Variants in CCSER1 observed in about 807,000 individuals in gnomAD.
CCSER1 encodes coiled-coil serine rich protein 1.
CCSER1 carries 41 observed loss-of-function variants against 82.0 expected under a neutral mutation model. The ratio of observed to expected loss-of-function variants is 0.50; its 90% CI spans 0.39 to 0.65. CCSER1 has a LOEUF of 0.65. CCSER1 is among the 30% of genes least tolerant of loss of function. The pLI, the probability that CCSER1 is intolerant of heterozygous loss-of-function variation, is 0.00. For synonymous variants in CCSER1, 414 were observed against 383.9 expected, an observed-to-expected ratio of 1.08 and a Z score of -0.92; for missense variants, 1,119 against 1,064.2, an observed-to-expected ratio of 1.05 and a Z score of -0.72.
At chr4:91,587,925 G>C (rs1404130237) in intron 10 of CCSER1, among the ~76,000 whole-genome samples, 1 of 151,254 alleles carries the variant, frequency 6.6e-6, no homozygotes, top group African/African-American at 2.4e-5. Flanking sequence ...CTTGAATCTT[G>C]AATTAATATT....
intron 10 of CCSER1, among the ~76,000 whole-genome samples, chr4:91,567,025 T>G (rs1762922923): frequency 6.6e-6 from 1 of 152,136 alleles, no homozygotes; most frequent in Non-Finnish European, 1.5e-5. Context: ...CTGTGGACAT[T>G]TAGTGCTATG....
At chr4:91,488,619 C>A (rs1758345893) in intron 10 of CCSER1, among the ~76,000 whole-genome samples, 1 of 152,182 alleles carries the variant, frequency 6.6e-6, no homozygotes, top group Admixed American at 6.5e-5. Flanking sequence ...ACACCTTGCC[C>A]AGCTCTTTCT....
intron 9 of CCSER1, among the ~76,000 whole-genome samples, chr4:90,938,998 A>C (rs1731283900): frequency 6.6e-6 from 1 of 152,100 alleles, no homozygotes; most frequent in African/African-American, 2.4e-5. Context: ...TCTATATGTA[A>C]ATATTCTAAA....
intron 7 of CCSER1, among the ~76,000 whole-genome samples, chr4:90,763,657 C>T (rs1477851273): frequency 6.6e-6 from 1 of 152,078 alleles, no homozygotes; most frequent in Non-Finnish European, 1.5e-5. Flanking sequence ...CACAGTTCTG[C>T]CCATTTCATG....
intron 6 of CCSER1, among the ~76,000 whole-genome samples, chr4:90,700,067 C>A (rs7657884): frequency 6.6e-6 from 1 of 151,624 alleles, no homozygotes; most frequent in African/African-American, 2.4e-5. Context: ...ATACATGTGC[C>A]ATGTTGGTGT....
chr4:90,195,607 G>A lies in CCSER1; in HGVS notation c.-42+67776G>A, dbSNP rs560917943. 1.1e-4 allele frequency among the ~76,000 whole-genome samples: 16 copies of A among 152,160 alleles called. 1 individual carries two copies. The South Asian group carries it at 3.3e-3, about 32-fold the overall frequency. On this transcript the variant is annotated intron_variant, in intron 1 of 10. Coordinates refer to ENST00000509176, the MANE Select transcript of CCSER1 (RefSeq NM_001145065.2). ...AACTCTAATGAAATTTCAGACTCTG[G>A]GTGATAATGATGTGTAAATGTAGGC...
At chr4:91,317,991 G>C (rs897736656) in intron 10 of CCSER1, among the ~76,000 whole-genome samples, 1 of 151,970 alleles carries the variant, frequency 6.6e-6, no homozygotes, top group African/African-American at 2.4e-5. Context: ...CATTTCATAG[G>C]AGAAGGGTTG....
chr4:91,555,606 C>T (rs1234693985), intron 10 of CCSER1, among the ~76,000 whole-genome samples: 1 of 150,568 alleles, frequency 6.6e-6, no homozygotes, highest in East Asian at 1.9e-4. Flanking sequence ...AATACATACA[C>T]TAGATACAAA....
intron 3 of CCSER1, among the ~76,000 whole-genome samples, chr4:90,320,049 A>G (rs1736852249): frequency 6.6e-6 from 1 of 152,170 alleles, no homozygotes; most frequent in Admixed American, 6.5e-5. Context: ...TTTTCCTTTC[A>G]GTACCCTTCT....
At position 90,308,377 on chromosome 4, in the gene CCSER1, T is replaced by C; in HGVS notation, c.93T>C (p.Ser31=). 1.9e-6 allele frequency: 3 copies of C among 1,613,732 alleles called. No homozygotes were observed. The South Asian group carries it at 3.3e-5, about 18-fold the overall frequency. The part of the protein sequence containing the change: ...SINRRHDSLP[S]SPSSSNTVGV... Reference sequence around the variant, plus strand: ...ACAGAAGACATGATTCTCTTCCTTCTTCACCTTCTTCCAGTAATACAGTTG... The same window carrying C: ...ACAGAAGACATGATTCTCTTCCTTCCTCACCTTCTTCCAGTAATACAGTTG... Residue 31 remains serine, a synonymous_variant, in exon 2 of 11, where the codon TCT becomes TCC. Transcript: ENST00000509176.
At chr4:90,268,126 A>C (rs2153452154) in intron 1 of CCSER1, among the ~76,000 whole-genome samples, 1 of 152,344 alleles carries the variant, frequency 6.6e-6, no homozygotes, top group South Asian at 2.1e-4. Flanking sequence ...CATTAATACC[A>C]GATCTGTTGT....
chr4:90,241,900 C>G (rs75428371), intron 1 of CCSER1, among the ~76,000 whole-genome samples: 1 of 152,324 alleles, frequency 6.6e-6, no homozygotes, highest in Non-Finnish European at 1.5e-5. Context: ...AAGAAATATG[C>G]TTTGGTATGA....
At chr4:91,565,517 C>T (rs1390392041) in intron 10 of CCSER1, among the ~76,000 whole-genome samples, 1 of 152,008 alleles carries the variant, frequency 6.6e-6, no homozygotes, top group African/African-American at 2.4e-5. Context: ...GATATTGATT[C>T]TTCCTATTTA....
intron 7 of CCSER1, among the ~76,000 whole-genome samples, chr4:90,787,550 C>G (rs1021093814): frequency 6.6e-6 from 1 of 152,102 alleles, no homozygotes; most frequent in Non-Finnish European, 1.5e-5. Flanking sequence ...CATGTGGCCT[C>G]TAGTTTTCAG....
At chr4:90,415,704 T>G (rs933938720) in intron 4 of CCSER1, among the ~76,000 whole-genome samples, 2 of 152,240 alleles carry the variant, frequency 1.3e-5, no homozygotes, top group African/African-American at 2.4e-5. Context: ...TTTAGCTATT[T>G]AATCCATGGT....
intron 1 of CCSER1, among the ~76,000 whole-genome samples, chr4:90,302,735 C>T (rs769016034): frequency 4.6e-5 from 7 of 151,906 alleles, no homozygotes; most frequent in African/African-American, 7.3e-5. Context: ...CCCAGGAATT[C>T]GAGGATGTAG....
chr4:90,457,272 C>CA (rs1762296123), intron 4 of CCSER1, among the ~76,000 whole-genome samples: 1 of 152,170 alleles, frequency 6.6e-6, no homozygotes, highest in East Asian at 1.9e-4. Flanking sequence ...AGCCCTGGCT[C>CA]AGGGAACTCT....
In CCSER1 at chr4:91,066,440, CAAT is replaced by C. The variant is rs372151189; in HGVS notation, c.2173-19509_2173-19507del. On this transcript the variant is annotated intron_variant, in intron 9 of 10. Transcript: ENST00000509176. ...AGATTTTTCCTATGGTGTTAGACAA[CAAT>C]TAAAAAATTTGAAATGGAAGGTGAC... 1.3e-3 allele frequency among the ~76,000 whole-genome samples: 205 copies of C among 152,008 alleles called. 1 individual carries two copies. Among genetic ancestry groups the C allele is most frequent in the African/African-American group, 4.8e-3 (199 of 41,448 alleles).
rs573523248 is a variant in CCSER1, at chr4:90,955,038, A to T, written c.2172+31591A>T. 2.0e-5 allele frequency among the ~76,000 whole-genome samples: 3 copies of T among 152,272 alleles called. No individual in the cohort carries two copies. The South Asian group carries it at 6.2e-4, about 32-fold the overall frequency. ...AATAAGATTGTAAATATTTATCTAC[A>T]TTATCTATTTCCCTTCCTTGGTTAA... is the stretch of plus-strand genomic sequence containing the variant. On this transcript the variant is annotated intron_variant, in intron 9 of 10. Coordinates refer to ENST00000509176, the MANE Select transcript of CCSER1 (RefSeq NM_001145065.2).
Sources: gnomAD v4.1 joint callset for allele counts (sites outside exome capture counted in the v4.1 genomes callset) on GRCh38, gnomAD v4.1.1 for gene constraint, MANE v1.5 for transcripts, NCBI Gene and HGNC (gene_info 2026-07-23, HGNC 2026-07-21) for gene names.